The following PCDHGA9 variants were observed in gnomAD, a reference collection of about 807,000 sequenced individuals.
PCDHGA9 encodes protocadherin gamma subfamily A, 9, also known as protocadherin gamma-A9.
PCDHGA9 carries 37 observed loss-of-function variants against 62.5 expected under a neutral mutation model. The observed-to-expected ratio is 0.59, with a 90% CI of 0.46 to 0.78. PCDHGA9 has a LOEUF of 0.78. Among genes scored for constraint, PCDHGA9 ranks in the 30% least tolerant of loss-of-function variants. The probability of loss-of-function intolerance (pLI) is 0.00; values close to 1 mark genes in which losing one functional copy is unlikely to be tolerated. For synonymous variants in PCDHGA9, 459 were observed against 484.6 expected, an observed-to-expected ratio of 0.95 and a Z score of 0.69; for missense variants, 1,138 against 1,166.2, an observed-to-expected ratio of 0.98 and a Z score of 0.35.
intron 1 of PCDHGA9, among the ~76,000 whole-genome samples, chr5:141,456,733 G>A (rs1186997201): frequency 6.6e-6 from 1 of 152,182 alleles, no homozygotes; most frequent in Non-Finnish European, 1.5e-5. Context: ...GGGAGGCTGA[G>A]GCGGGAGCAT....
chr5:141,409,187 A>C, intron 1 of PCDHGA9: 1 of 1,614,024 alleles, frequency 6.2e-7, no homozygotes, highest in Non-Finnish European at 8.5e-7. Flanking sequence ...TGGTCTCTCT[A>C]CCCAGTGTAA....
At chr5:141,410,438 G>T (rs957017717) in intron 1 of PCDHGA9, 1 of 1,613,894 alleles carries the variant, frequency 6.2e-7, no homozygotes, top group African/African-American at 1.3e-5. Flanking sequence ...CTACAGTGAG[G>T]GGACTTTGCC....
intron 1 of PCDHGA9, among the ~76,000 whole-genome samples, chr5:141,438,591 CAT>C (rs946798767): frequency 2.9e-3 from 219 of 75,538 alleles, no homozygotes; most frequent in Middle Eastern, 0.016. Context: ...TACATACATA[CAT>C]ATATATATAT....
chr5:141,405,398 C>A, intron 1 of PCDHGA9, 22 bp downstream of exon 1: 1 of 1,590,262 alleles, frequency 6.3e-7, no homozygotes, highest in Non-Finnish European at 8.6e-7. Flanking sequence ...TTTTTTCTTT[C>A]TTTCTTTTCT....
At chr5:141,496,617 A>G (rs2099769939) in intron 2 of PCDHGA9, among the ~76,000 whole-genome samples, 2 of 152,236 alleles carry the variant, frequency 1.3e-5, no homozygotes, top group Admixed American at 1.3e-4. Flanking sequence ...AAAAAGCAGC[A>G]GATCAAAAGG....
intron 2 of PCDHGA9, among the ~76,000 whole-genome samples, chr5:141,503,085 C>T (rs1284066265): frequency 6.6e-6 from 1 of 152,044 alleles, no homozygotes; most frequent in Non-Finnish European, 1.5e-5. Context: ...GATCTCCTGA[C>T]CTCGTGGTCT....
At position 141,404,703 on chromosome 5, in the gene PCDHGA9, C is replaced by T. The variant is rs545479443; in HGVS notation, c.1751C>T (p.Pro584Leu). 3 of 1,614,124 alleles carry T rather than the reference C, an allele frequency of 1.9e-6. No homozygotes were observed. Among genetic ancestry groups the T allele is most frequent in the African/African-American group, 2.7e-5 (2 of 75,028 alleles). The change falls in exon 1 of 4, where the codon CCT (proline) becomes CTT (leucine). Residue 584 changes from proline to leucine, a missense_variant. Coordinates refer to ENST00000573521, the MANE Select transcript of PCDHGA9 (RefSeq NM_018921.3). ...GAGCTGGCACCCCGCTCTGCAGAGC[C>T]TGGCTACCTGGTGACCAAGGTGGTG... ...GVELAPRSAE[P>L]GYLVTKVVAV...
At chr5:141,433,640 A>C (rs2097637476) in intron 1 of PCDHGA9, among the ~76,000 whole-genome samples, 2 of 152,138 alleles carry the variant, frequency 1.3e-5, no homozygotes, top group South Asian at 2.1e-4. Flanking sequence ...GTTTGAGACC[A>C]GCCTGACCAA....
At position 141,505,413 on chromosome 5, in the gene PCDHGA9, C is replaced by A; in HGVS notation, c.2504C>A (p.Thr835Asn). ...CCCAGCTCCCAAAATGGCGATGACACCGGCACCTGGCCCAACAACCAGTTT... is the reference window on the plus strand; with the variant it reads ...CCCAGCTCCCAAAATGGCGATGACAACGGCACCTGGCCCAACAACCAGTTT... ...GTSGSQNGDD[T>N]GTWPNNQFDT... Residue 835 changes from threonine to asparagine, a missense_variant, in exon 3 of 4, where the codon ACC becomes AAC. Physicochemically the swap from Thr to Asn is moderately conservative, Grantham distance 65 (BLOSUM62 0). Coordinates refer to ENST00000573521, the MANE Select transcript of PCDHGA9 (RefSeq NM_018921.3). 1 of 1,614,202 alleles carries A rather than the reference C, an allele frequency of 6.2e-7. No homozygotes were observed. Among genetic ancestry groups the A allele is most frequent in the Non-Finnish European group, 8.5e-7 (1 of 1,180,046 alleles).
chr5:141,428,266 G>A (rs764763674), intron 1 of PCDHGA9: 1 of 810,620 alleles, frequency 1.2e-6, no homozygotes. Context: ...TGACAGTCCT[G>A]TGCCCTCTGA....
intron 1 of PCDHGA9, among the ~76,000 whole-genome samples, chr5:141,435,539 C>T (rs75717921): frequency 1.3e-5 from 2 of 152,226 alleles, no homozygotes; most frequent in South Asian, 4.1e-4. Flanking sequence ...TCAGAATTAA[C>T]AAAATGTGTT....
At chr5:141,446,830 A>G (rs1289946397) in intron 1 of PCDHGA9, among the ~76,000 whole-genome samples, 1 of 152,176 alleles carries the variant, frequency 6.6e-6, no homozygotes, top group Non-Finnish European at 1.5e-5. Flanking sequence ...GTAGATCCTT[A>G]TAAGGCTGAG....
rs1368239890 is a variant in PCDHGA9 at position 141,403,093 on chromosome 5, C to T, written c.141C>T (p.Asn47=). ...CAGAAAAGGGCTATATTGTGGGCAA[C>T]ATCTCCAAGGACCTGGCTCTGGAGC... ...EETEKGYIVG[N]ISKDLALEPR... is the part of the protein sequence containing the mutation. The change falls in exon 1 of 4, where the codon AAC becomes AAT. Residue 47 remains asparagine (N), a synonymous_variant. Coordinates refer to ENST00000573521, the MANE Select transcript of PCDHGA9 (RefSeq NM_018921.3). 1 of 1,614,072 alleles carries T rather than the reference C, an allele frequency of 6.2e-7. No homozygotes were observed. The highest frequency in any genetic ancestry group is 8.5e-7 in the Non-Finnish European group (1 of 1,179,910).
intron 1 of PCDHGA9, chr5:141,415,435 C>A: frequency 1.2e-6 from 2 of 1,614,202 alleles, no homozygotes; most frequent in Non-Finnish European, 8.5e-7. Context: ...TCGGGCTTTC[C>A]TGCAGACCTA....
intron 1 of PCDHGA9, among the ~76,000 whole-genome samples, chr5:141,464,749 T>A (rs1026757405): frequency 6.6e-6 from 1 of 152,216 alleles, no homozygotes; most frequent in African/African-American, 2.4e-5. Context: ...ATCTTTTTGT[T>A]TTTTTAGAGA....
At position 141,493,396 on chromosome 5, in the gene PCDHGA9, G is replaced by A. The variant is rs562217310; in HGVS notation, c.2425-1411G>A. 1.3e-5 allele frequency among the ~76,000 whole-genome samples: 2 copies of A among 152,274 alleles called. No homozygotes were observed. Among genetic ancestry groups the A allele is most frequent in the East Asian group, 3.9e-4 (2 of 5,178 alleles). The stretch of plus-strand genomic sequence containing the variant: ...TTTAAAAGCTTGAGGACAGGAGAGG[G>A]GAGTTGCCTCTGCTGGGATTTTGCT... On this transcript the variant is annotated intron_variant, in intron 1 of 3. Transcript: ENST00000573521. This position sits in a 1 kb window ranked among gnomAD's most constrained non-coding sequence, Gnocchi z 4.3.
rs573088236 is a variant in PCDHGA9, at chr5:141,489,279, G to A, written c.2425-5528G>A. On this transcript the variant is annotated intron_variant, in intron 1 of 3. Coordinates refer to ENST00000573521, the MANE Select transcript of PCDHGA9 (RefSeq NM_018921.3). This position sits in a 1 kb window ranked among gnomAD's most constrained non-coding sequence, Gnocchi z 4.5. Reference sequence around the variant, plus strand: ...CACTCCCACAGCTCGCTGGGAAATGGCAAGTGCTGTGCATGTTGTCCTTGT... The same window carrying A: ...CACTCCCACAGCTCGCTGGGAAATGACAAGTGCTGTGCATGTTGTCCTTGT... The A allele has an allele frequency of 6.4e-7, 1 of 1,562,030 alleles. No individual in the cohort carries two copies. Among genetic ancestry groups the A allele is most frequent in the East Asian group, 2.2e-5 (1 of 44,522 alleles).
At chr5:141,502,907 G>C (rs1335363561) in intron 2 of PCDHGA9, among the ~76,000 whole-genome samples, 2 of 138,924 alleles carry the variant, frequency 1.4e-5, no homozygotes, top group Non-Finnish European at 3.0e-5. Context: ...CTGTTGCCAG[G>C]CTGGAGTGCA....
intron 1 of PCDHGA9, among the ~76,000 whole-genome samples, chr5:141,488,087 G>A (rs1479773288): frequency 6.6e-6 from 1 of 152,198 alleles, no homozygotes; most frequent in East Asian, 1.9e-4. Flanking sequence ...CTAGTACACT[G>A]TGAAGGGACC....
Sources: allele counts gnomAD v4.1 joint callset (sites outside exome capture counted in the v4.1 genomes callset), GRCh38; gene constraint gnomAD v4.1.1; non-coding constraint Gnocchi (gnomAD v3.1); transcripts MANE v1.5; gene names NCBI Gene and HGNC (gene_info 2026-07-23, HGNC 2026-07-21).